The following FBN2 variants were observed in gnomAD, a reference collection of about 807,000 sequenced individuals.
FBN2 encodes the protein fibrillin-2.
A neutral mutation model predicts 355.6 loss-of-function variants in FBN2; 105 were observed. That is an observed-to-expected ratio of 0.30 (90% CI 0.25 to 0.35). FBN2 has a LOEUF of 0.35. Ranked by LOEUF, FBN2 falls within the 10% of genes least tolerant of loss-of-function variation. The pLI, the probability that FBN2 is intolerant of heterozygous loss-of-function variation, is 1.00. For missense variants in FBN2, 3,280 were observed against 3,758.7 expected, an observed-to-expected ratio of 0.87 and a Z score of 3.33; for synonymous variants, 1,350 against 1,301.2, an observed-to-expected ratio of 1.04 and a Z score of -0.81.
intron 3 of FBN2, among the ~76,000 whole-genome samples, chr5:128,529,249 C>T (rs1164224513): frequency 2.0e-5 from 3 of 151,928 alleles, no homozygotes; most frequent in Non-Finnish European, 4.4e-5. Flanking sequence ...CATGAGTTCA[C>T]CCAGGGAGGG....
chr5:128,512,010 A>C (rs1756142777), intron 5 of FBN2, among the ~76,000 whole-genome samples: 1 of 152,224 alleles, frequency 6.6e-6, no homozygotes. Context: ...CATTTACAAT[A>C]AAAACATGTC....
At chr5:128,380,513 C>G (rs116520151) in intron 11 of FBN2, among the ~76,000 whole-genome samples, 9,687 of 152,128 alleles carry the variant, frequency 0.064, 406 homozygotes, top group Non-Finnish European at 0.088. Flanking sequence ...TATGGCAGCT[C>G]TGTCAGCTAT....
intron 15 of FBN2, 90 bp from the exon 16 acceptor site, chr5:128,369,424 T>G: frequency 4.3e-4 from 507 of 1,176,812 alleles, no homozygotes; most frequent in Middle Eastern, 6.3e-4. Context: ...AAGTGGCCAC[T>G]AGACTGGAAG....
rs749436111 is a variant in FBN2, at chr5:128,374,756, C to T, written c.1973-6G>A. The T allele has an allele frequency of 1.2e-6, 2 of 1,613,782 alleles. No homozygotes were observed. ...GGTCTGGCATTCATCAACATCTGTGCAGTGGGTGACAGAAGCCAAGCAGTT... is the reference window on the plus strand; with the variant it reads ...GGTCTGGCATTCATCAACATCTGTGTAGTGGGTGACAGAAGCCAAGCAGTT... On this transcript the variant is annotated splice_polypyrimidine_tract_variant and splice_region_variant and intron_variant, in intron 14 of 64. Coordinates refer to ENST00000262464, the MANE Select transcript of FBN2 (RefSeq NM_001999.4).
At position 128,401,158 on chromosome 5, in the gene FBN2, T is replaced by C. The variant is rs138817108; in HGVS notation, c.1079-5884A>G. On this transcript the variant is annotated intron_variant, in intron 8 of 64. Coordinates refer to ENST00000262464, the MANE Select transcript of FBN2 (RefSeq NM_001999.4). ...TCTCAGCAGTGAGAAAACAGACTAA[T>C]ATAAATGTCAATCAAAATGTTGCAA... 5.6e-4 allele frequency among the ~76,000 whole-genome samples: 86 copies of C among 152,340 alleles called. 1 individual carries two copies. The East Asian group carries it at 0.014, about 25-fold the overall frequency.
chr5:128,436,623 A>C (rs1030072957), intron 7 of FBN2, among the ~76,000 whole-genome samples: 1 of 151,982 alleles, frequency 6.6e-6, no homozygotes, highest in Non-Finnish European at 1.5e-5. Context: ...CAAATAAGAA[A>C]AAGTCAAAAA....
chr5:128,407,860 A>T (rs1360075519), intron 8 of FBN2, among the ~76,000 whole-genome samples: 1 of 152,182 alleles, frequency 6.6e-6, no homozygotes, highest in Non-Finnish European at 1.5e-5. Context: ...CTGACATACT[A>T]ACTGCCTGGT....
Position 128,303,093 on chromosome 5 carries a change from T to C in FBN2, c.5801-4A>G, listed in dbSNP as rs1581201492. On this transcript the variant is annotated splice_region_variant and splice_polypyrimidine_tract_variant and intron_variant, in intron 45 of 64. Coordinates refer to ENST00000262464, the MANE Select transcript of FBN2 (RefSeq NM_001999.4). ...TGCCGCTCGCACTCATCAACATCTA[T>C]AAAGAAATATAGGCTCAAAAAATTC... is the stretch of plus-strand genomic sequence containing the variant. The C allele has an allele frequency of 3.9e-6, 6 of 1,556,624 alleles. No homozygotes were observed. The highest frequency in any genetic ancestry group is 5.3e-6 in the Non-Finnish European group (6 of 1,127,672).
At chr5:128,296,079 C>T (rs1335817567) in intron 48 of FBN2, among the ~76,000 whole-genome samples, 2 of 152,210 alleles carry the variant, frequency 1.3e-5, no homozygotes, top group African/African-American at 4.8e-5. Context: ...GCCTTTTCTG[C>T]ATCTTTTGAG....
chr5:128,427,527 GA>G (rs1237371712), intron 7 of FBN2, among the ~76,000 whole-genome samples: 3 of 152,168 alleles, frequency 2.0e-5, no homozygotes, highest in Non-Finnish European at 4.4e-5. Context: ...GGCACCTGGA[GA>G]AAGCCATGCC....
At chr5:128,369,392 A>G in intron 15 of FBN2, 58 bp from the exon 16 acceptor site, 1 of 1,580,798 alleles carries the variant, frequency 6.3e-7, no homozygotes, top group Middle Eastern at 1.7e-4. Flanking sequence ...GAGATTTCGA[A>G]ACAGAAGGCT....
chr5:128,458,816 T>G (rs544931440), intron 6 of FBN2, among the ~76,000 whole-genome samples: 9 of 152,274 alleles, frequency 5.9e-5, no homozygotes, highest in African/African-American at 1.9e-4. Flanking sequence ...GAAGGAAATT[T>G]ATAGCACTAA....
intron 8 of FBN2, among the ~76,000 whole-genome samples, chr5:128,407,126 A>G (rs1466209238): frequency 6.6e-6 from 1 of 152,124 alleles, no homozygotes; most frequent in Non-Finnish European, 1.5e-5. Context: ...ATCTAGCCAC[A>G]GGATCTCCAC....
chr5:128,261,707 T>G, intron 64 of FBN2, 29 bp downstream of exon 64: 1 of 1,612,186 alleles, frequency 6.2e-7, no homozygotes. Flanking sequence ...GATAAAATTT[T>G]GTGGCAACAC....
At chr5:128,307,087 G>T in intron 42 of FBN2, 48 bp downstream of exon 42, 1 of 1,138,466 alleles carries the variant, frequency 8.8e-7, no homozygotes, top group Non-Finnish European at 1.3e-6. Context: ...GATTTTTACA[G>T]AATGCTACAC....
chr5:128,300,445 C>T (rs1298316645), intron 48 of FBN2, among the ~76,000 whole-genome samples: 1 of 152,228 alleles, frequency 6.6e-6, no homozygotes, highest in Non-Finnish European at 1.5e-5. Context: ...GATTTTTCTG[C>T]TTCACATTTC....
At chr5:128,344,257 GA>G in intron 25 of FBN2, 127 bp downstream of exon 25, 1 of 995,300 alleles carries the variant, frequency 1.0e-6, no homozygotes, top group Non-Finnish European at 1.5e-6. Context: ...TCTCTAAAAA[GA>G]AATTAATAAA....
At chr5:128,278,595 A>C (rs996228588) in intron 57 of FBN2, 40 bp downstream of exon 57, 1 of 1,558,724 alleles carries the variant, frequency 6.4e-7, no homozygotes, top group Non-Finnish European at 8.8e-7. Flanking sequence ...CATAAAATTT[A>C]ATGTGTTGAT....
chr5:128,486,694 A>C (rs1001126096), intron 5 of FBN2, among the ~76,000 whole-genome samples: 1 of 151,992 alleles, frequency 6.6e-6, no homozygotes, highest in Non-Finnish European at 1.5e-5. Flanking sequence ...ACATATGTAT[A>C]CATGTGCCAT....
Sources: gnomAD v4.1 joint callset for allele counts (sites outside exome capture counted in the v4.1 genomes callset) on GRCh38, gnomAD v4.1.1 for gene constraint, MANE v1.5 for transcripts, NCBI Gene and HGNC (gene_info 2026-07-23, HGNC 2026-07-21) for gene names.